VPS37C: variants seen among roughly 807,000 people sequenced by gnomAD.
The protein encoded by VPS37C is VPS37C subunit of ESCRT-I, also known as vacuolar protein sorting-associated protein 37C.
A neutral mutation model predicts 16.1 loss-of-function variants in VPS37C; 9 were observed. The observed-to-expected ratio is 0.56, with a 90% CI of 0.34 to 0.97. VPS37C has a LOEUF of 0.97. Ranked by LOEUF, VPS37C falls within the 50% of genes least tolerant of loss-of-function variation. VPS37C has a pLI of 0.02. For synonymous variants in VPS37C, 207 were observed against 206.4 expected (o/e 1.00, Z -0.02); for missense variants, 479 against 472.7 (o/e 1.01, Z -0.12).
At chr11:61,147,281 G>A (rs556839904) in intron 1 of VPS37C, among the ~76,000 whole-genome samples, 2 of 152,320 alleles carry the variant, frequency 1.3e-5, no homozygotes, top group Non-Finnish European at 1.5e-5. Flanking sequence ...GGCTGAACTC[G>A]CTGGAGCTTT....
chr11:61,151,894 C>T (rs1853303663), intron 1 of VPS37C, among the ~76,000 whole-genome samples: 1 of 152,232 alleles, frequency 6.6e-6, no homozygotes, highest in South Asian at 2.1e-4. Context: ...GGCAAGGCCT[C>T]TTCTTTCTTT....
At chr11:61,156,726 A>G (rs57558790) in intron 1 of VPS37C, among the ~76,000 whole-genome samples, 6,083 of 152,284 alleles carry the variant, frequency 0.04, 411 homozygotes, top group African/African-American at 0.14. Context: ...ATTTTTAAAA[A>G]CTGTTTTATA....
chr11:61,133,890 C>T, intron 3 of VPS37C, 146 bp downstream of exon 3: 1 of 940,814 alleles, frequency 1.1e-6, no homozygotes, highest in Non-Finnish European at 1.5e-6. Context: ...TTTTTCTTAC[C>T]TATAAAATGG....
intron 1 of VPS37C, among the ~76,000 whole-genome samples, chr11:61,148,142 A>C (rs1480470585): frequency 6.6e-6 from 1 of 152,130 alleles, no homozygotes; most frequent in Non-Finnish European, 1.5e-5. Flanking sequence ...GTGTCAAGTG[A>C]AATGGCTGCT....
At chr11:61,156,208 T>C (rs1358213008) in intron 1 of VPS37C, among the ~76,000 whole-genome samples, 3 of 152,190 alleles carry the variant, frequency 2.0e-5, no homozygotes, top group African/African-American at 4.8e-5. Flanking sequence ...AGAAGGTAGA[T>C]TTAAACTCAA....
At chr11:61,159,133 C>A (rs1021573976) in intron 1 of VPS37C, among the ~76,000 whole-genome samples, 8 of 152,310 alleles carry the variant, frequency 5.3e-5, no homozygotes, top group Non-Finnish European at 5.9e-5. Context: ...ATTCATATGG[C>A]TAGTTAACCC....
rs1861267691 is a variant in VPS37C, at chr11:61,131,903, G to C, written c.985C>G (p.Pro329Ala). 3 of 1,287,964 alleles carry C rather than the reference G, an allele frequency of 2.3e-6. No individual in the cohort carries two copies. Among genetic ancestry groups the C allele is most frequent in the Non-Finnish European group, 3.0e-6 (3 of 1,011,472 alleles). 79.8% of individuals were successfully genotyped at this position (1,287,964 alleles called of 1,614,324 possible). A position where few individuals can be genotyped will look rare whatever the true frequency, so the allele number is the denominator to read the frequency against. The change falls in exon 5 of 5, where the codon CCC becomes GCC. Residue 329 changes from proline to alanine, a missense_variant. Transcript: ENST00000301765. ...SFPGQPQPSV[P>A]LQPPYPPGPA... ...CCGGGGGGATAAGGGGGCTGCAGGG[G>C]CACTGAGGGCTGGGGCTGGCCTGGA...
At chr11:61,158,806 C>T (rs1374999877) in intron 1 of VPS37C, among the ~76,000 whole-genome samples, 1 of 152,184 alleles carries the variant, frequency 6.6e-6, no homozygotes. Context: ...AAGTCTTTCA[C>T]ATAAACCAGT....
intron 2 of VPS37C, among the ~76,000 whole-genome samples, chr11:61,135,045 G>A (rs972026492): frequency 1.3e-5 from 2 of 152,216 alleles, no homozygotes; most frequent in East Asian, 1.9e-4. Context: ...AGCAGCATGG[G>A]GCACCAGAAG....
chr11:61,144,191 G>T (rs1236720957), intron 1 of VPS37C: 3 of 148,940 alleles, frequency 2.0e-5, no homozygotes, highest in African/African-American at 7.4e-5. Flanking sequence ...GAATGGTCTC[G>T]ATCTCCTGAC....
intron 1 of VPS37C, among the ~76,000 whole-genome samples, chr11:61,154,770 C>T (rs962462058): frequency 1.3e-5 from 2 of 152,126 alleles, no homozygotes; most frequent in Non-Finnish European, 2.9e-5. Flanking sequence ...AATTACACTA[C>T]ACAAAAGCAC....
At chr11:61,142,715 G>A (rs1447736364) in intron 1 of VPS37C, among the ~76,000 whole-genome samples, 1 of 149,266 alleles carries the variant, frequency 6.7e-6, no homozygotes, top group Non-Finnish European at 1.5e-5. Context: ...CTCATGGATG[G>A]CCTGAAAGGG....
At position 61,130,824 on chromosome 11, in the gene VPS37C, CTT is replaced by C; in HGVS notation, c.*994_*995del. On this transcript the variant is annotated 3_prime_UTR_variant, in exon 5 of 5. Coordinates refer to ENST00000301765, the MANE Select transcript of VPS37C (RefSeq NM_017966.5). Reference sequence around the variant, plus strand: ...CATTTGGGAAGTAAAGTTAGGGCCTCTTTTGATGCCTGTCTTAGGATGGACAC... The same window carrying C: ...CATTTGGGAAGTAAAGTTAGGGCCTCTTGATGCCTGTCTTAGGATGGACAC... The C allele has an allele frequency of 2.3e-6, 1 of 440,598 alleles. No individual in the cohort carries two copies. The allele number at this position is 440,598 out of a possible 1,614,324, so 27.3% of individuals were successfully genotyped here.
chr11:61,149,240 C>G (rs1311228606), intron 1 of VPS37C, among the ~76,000 whole-genome samples: 1 of 152,108 alleles, frequency 6.6e-6, no homozygotes, highest in Non-Finnish European at 1.5e-5. Context: ...GAGCCGAGAT[C>G]GCGCCACTGC....
Position 61,132,153 on chromosome 11 carries a change from G to GT in VPS37C, c.734dup (p.Tyr245Ter). 1 of 1,456,320 alleles carries GT rather than the reference G, an allele frequency of 6.9e-7. No individual in the cohort carries two copies. Among genetic ancestry groups the GT allele is most frequent in the Non-Finnish European group, 9.1e-7 (1 of 1,102,008 alleles). 90.2% of individuals were successfully genotyped at this position (1,456,320 alleles called of 1,614,324 possible). A position where few individuals can be genotyped will look rare whatever the true frequency, so the allele number is the denominator to read the frequency against. The change falls in exon 5 of 5, where the codon TAC (tyrosine) becomes TAAC (stop). Residue 245 changes from tyrosine to a stop codon, truncating the protein, a stop_gained and frameshift_variant. Transcript: ENST00000301765. LOFTEE classifies it low-confidence loss of function (END_TRUNC). ...CCCTGGGTCCAAGCTGGGCTGCCGG[G>GT]TAAGTGGGGCCCAGAGGCCCGCTGT... The part of the protein sequence containing the change: ...SFYSGPLGPT[Y>*]PAAQLGPRGA...
intron 1 of VPS37C, among the ~76,000 whole-genome samples, chr11:61,147,583 T>C (rs1020975706): frequency 2.0e-5 from 3 of 149,886 alleles, no homozygotes; most frequent in African/African-American, 7.6e-5. Context: ...CTTCCAGATC[T>C]GTTTTTATCG....
At chr11:61,149,033 G>A (rs1244512753) in intron 1 of VPS37C, among the ~76,000 whole-genome samples, 1 of 152,230 alleles carries the variant, frequency 6.6e-6, no homozygotes. Context: ...TGTAATCCCA[G>A]CACTTTGGGA....
chr11:61,146,978 G>C (rs1345801817), intron 1 of VPS37C, among the ~76,000 whole-genome samples: 1 of 152,168 alleles, frequency 6.6e-6, no homozygotes, highest in Non-Finnish European at 1.5e-5. Flanking sequence ...AGCCTTGCCA[G>C]CTTTCCCAGA....
chr11:61,131,877 C>A lies in VPS37C; in HGVS notation c.1011G>T (p.Gly337=). The A allele has an allele frequency of 7.9e-7, 1 of 1,271,248 alleles. No individual in the cohort carries two copies. The highest frequency in any genetic ancestry group is 1.0e-6 in the Non-Finnish European group (1 of 1,003,202). The allele number at this position is 1,271,248 out of a possible 1,614,324, so 78.7% of individuals were successfully genotyped here. The change falls in exon 5 of 5, where the codon GGG becomes GGT. Residue 337 remains glycine, a synonymous_variant. Coordinates refer to ENST00000301765, the MANE Select transcript of VPS37C (RefSeq NM_017966.5). ...GTGGGAACCCATAGGGAGGGGCGGG[C>A]CCGGGGGGATAAGGGGGCTGCAGGG... The part of the protein sequence containing the change: ...SVPLQPPYPP[G]PAPPYGFPPP...
Sources: gnomAD v4.1 joint callset for allele counts (sites outside exome capture counted in the v4.1 genomes callset) on GRCh38, gnomAD v4.1.1 for gene constraint, MANE v1.5 for transcripts, NCBI Gene and HGNC (gene_info 2026-07-23, HGNC 2026-07-21) for gene names.